Variants in NR3C2 observed in about 807,000 individuals in gnomAD.
NR3C2 encodes the protein nuclear receptor subfamily 3 group C member 2.
In NR3C2, 15 loss-of-function variants were observed where a neutral mutation model predicts 86.4. The ratio of observed to expected loss-of-function variants is 0.17; its 90% CI spans 0.12 to 0.27. The LOEUF (loss-of-function observed/expected upper bound fraction) is 0.27. Among genes scored for constraint, NR3C2 ranks in the 10% least tolerant of loss-of-function variants. NR3C2 has a pLI of 1.00. For synonymous variants in NR3C2, 458 were observed against 450.5 expected, an observed-to-expected ratio of 1.02 and a Z score of -0.21; for missense variants, 960 against 1,195.6, an observed-to-expected ratio of 0.80 and a Z score of 2.91.
chr4:148,230,378 G>C (rs1053263869), intron 3 of NR3C2, among the ~76,000 whole-genome samples: 1 of 152,044 alleles, frequency 6.6e-6, no homozygotes, highest in South Asian at 2.1e-4. Flanking sequence ...GTATTTTTTA[G>C]TAGAGACAGG....
In NR3C2 at chr4:148,097,546, C is replaced by G. The variant is rs550626246; in HGVS notation, c.2800-16047G>C. On this transcript the variant is annotated intron_variant, in intron 8 of 8. Coordinates refer to ENST00000358102, the MANE Select transcript of NR3C2 (RefSeq NM_000901.5). Reference sequence around the variant, plus strand: ...GGCCCACTTCCTACTTGCTAAAAGTCACATAGCATTAGATACTGACCATAC... The same window carrying G: ...GGCCCACTTCCTACTTGCTAAAAGTGACATAGCATTAGATACTGACCATAC... 3.3e-5 allele frequency among the ~76,000 whole-genome samples: 5 copies of G among 152,242 alleles called. No individual in the cohort carries two copies. The East Asian group carries it at 9.7e-4, about 29-fold the overall frequency.
chr4:148,175,709 G>A (rs1735343456), intron 4 of NR3C2, among the ~76,000 whole-genome samples: 8 of 151,688 alleles, frequency 5.3e-5, no homozygotes, highest in Admixed American at 4.6e-4. Context: ...TATATTTTAT[G>A]CCTTCCTATG....
chr4:148,415,217 C>G lies in NR3C2; in HGVS notation c.1757+19887G>C, dbSNP rs910791881. Among the ~76,000 whole-genome samples the G allele has an allele frequency of 2.0e-5, 3 of 152,194 alleles. No individual in the cohort carries two copies. The South Asian group carries it at 6.2e-4, about 32-fold the overall frequency. On this transcript the variant is annotated intron_variant, in intron 2 of 8. Transcript: ENST00000358102. The stretch of plus-strand genomic sequence containing the variant: ...AAGGATTGTCGATCTAACCTAAGAA[C>G]CTGAAAGAACCATTCTTACAGGATC...
chr4:148,397,735 A>G (rs1747934306), intron 2 of NR3C2, among the ~76,000 whole-genome samples: 1 of 152,246 alleles, frequency 6.6e-6, no homozygotes, highest in Non-Finnish European at 1.5e-5. Flanking sequence ...TGAGCAGCTC[A>G]TCATACATAC....
chr4:148,294,719 A>G (rs1379736322), intron 2 of NR3C2, among the ~76,000 whole-genome samples: 1 of 151,902 alleles, frequency 6.6e-6, no homozygotes, highest in African/African-American at 2.4e-5. Flanking sequence ...GCTCACACCT[A>G]CAATCCTAGA....
At chr4:148,148,810 C>T (rs1030856513) in intron 6 of NR3C2, among the ~76,000 whole-genome samples, 1 of 152,212 alleles carries the variant, frequency 6.6e-6, no homozygotes, top group Non-Finnish European at 1.5e-5. Context: ...GTATTTCTGT[C>T]TCTCTCATTA....
At chr4:148,398,811 C>T (rs1441822199) in intron 2 of NR3C2, among the ~76,000 whole-genome samples, 1 of 152,068 alleles carries the variant, frequency 6.6e-6, no homozygotes, top group Non-Finnish European at 1.5e-5. Flanking sequence ...TTGTAATGCA[C>T]TAAAAAAGAA....
At chr4:148,395,708 G>A (rs1747825487) in intron 2 of NR3C2, among the ~76,000 whole-genome samples, 1 of 152,178 alleles carries the variant, frequency 6.6e-6, no homozygotes, top group Non-Finnish European at 1.5e-5. Flanking sequence ...GGTATGTTAT[G>A]TTATGTTGAG....
chr4:148,347,638 A>G (rs7698965), intron 2 of NR3C2, among the ~76,000 whole-genome samples: 2,773 of 152,236 alleles, frequency 0.018, 78 homozygotes, highest in African/African-American at 0.063. Flanking sequence ...CTGTTTCCCT[A>G]CTAACTTTCC....
chr4:148,134,643 C>CTT (rs1175816621), intron 6 of NR3C2, among the ~76,000 whole-genome samples: 77 of 40,736 alleles, frequency 1.9e-3, no homozygotes, highest in Non-Finnish European at 2.8e-3. Context: ...CTCTCTCTCT[C>CTT]TTTTTTTTTT....
chr4:148,314,950 C>G (rs994099663), intron 2 of NR3C2, among the ~76,000 whole-genome samples: 1 of 152,058 alleles, frequency 6.6e-6, no homozygotes, highest in Non-Finnish European at 1.5e-5. Context: ...ACATGTTCTA[C>G]GAACATTATA....
chr4:148,165,683 C>T (rs1156949769), intron 4 of NR3C2, among the ~76,000 whole-genome samples: 1 of 152,110 alleles, frequency 6.6e-6, no homozygotes, highest in Non-Finnish European at 1.5e-5. Context: ...CCATTAAAAA[C>T]TATTAAAATT....
intron 3 of NR3C2, among the ~76,000 whole-genome samples, chr4:148,250,513 A>G (rs1436872967): frequency 6.6e-6 from 1 of 152,126 alleles, no homozygotes; most frequent in Non-Finnish European, 1.5e-5. Context: ...CAGGCTTTTA[A>G]TTTCATTACG....
At chr4:148,375,231 G>A (rs1008804767) in intron 2 of NR3C2, among the ~76,000 whole-genome samples, 3 of 152,142 alleles carry the variant, frequency 2.0e-5, no homozygotes, top group East Asian at 1.9e-4. Flanking sequence ...CGAGGTTGGC[G>A]TATCACTTGA....
At chr4:148,380,084 A>G (rs967707078) in intron 2 of NR3C2, among the ~76,000 whole-genome samples, 3 of 152,228 alleles carry the variant, frequency 2.0e-5, no homozygotes, top group Non-Finnish European at 2.9e-5. Flanking sequence ...TTTTATTGAG[A>G]TATAATTCAG....
chr4:148,443,363 T>C (rs558181479), upstream of NR3C2, among the ~76,000 whole-genome samples: 12 of 151,210 alleles, frequency 7.9e-5, no homozygotes, highest in Non-Finnish European at 1.3e-4. Context: ...ATTTTTCCAC[T>C]AGTTCAATTT....
chr4:148,358,966 ACG>A (rs199713798), intron 2 of NR3C2, among the ~76,000 whole-genome samples: 7 of 13,612 alleles, frequency 5.1e-4, no homozygotes, highest in South Asian at 0.01. Flanking sequence ...ATTTACACAC[ACG>A]CACACACACA....
chr4:148,081,349 T>G lies in NR3C2; in HGVS notation c.2950A>C (p.Lys984Gln). The G allele has an allele frequency of 6.2e-7, 1 of 1,614,180 alleles. No individual in the cohort carries two copies. Among genetic ancestry groups the G allele is most frequent in the Non-Finnish European group, 8.5e-7 (1 of 1,180,024 alleles). Residue 984 changes from lysine to glutamine, a missense_variant, in exon 9 of 9, where the codon AAG becomes CAG. By Grantham distance (53) the Lys-to-Gln change is moderately conservative. This residue lies in a region of NR3C2 where 151 missense variants were observed against 296.3 expected (regional missense o/e 0.51). Coordinates refer to ENST00000358102, the MANE Select transcript of NR3C2 (RefSeq NM_000901.5). Reference sequence around the variant, plus strand: ...TTCTTCTGGGCAGCGGGCAGTCACTTCCGGTGGAAGTAGAGCGGCTTGGCG... The same window carrying G: ...TTCTTCTGGGCAGCGGGCAGTCACTGCCGGTGGAAGTAGAGCGGCTTGGCG... ...GNAKPLYFHR[K>Q]
chr4:148,364,656 CTTTGT>C (rs1036385806), intron 2 of NR3C2, among the ~76,000 whole-genome samples: 22 of 152,154 alleles, frequency 1.4e-4, no homozygotes, highest in African/African-American at 4.3e-4. Context: ...AAGCTATTTC[CTTTGT>C]TTTATCTTTA....
Sources: gnomAD v4.1 joint callset for allele counts (sites outside exome capture counted in the v4.1 genomes callset) on GRCh38, gnomAD v4.1.1 for gene constraint, gnomAD v4.1.1 regional missense constraint, MANE v1.5 for transcripts, NCBI Gene and HGNC (gene_info 2026-07-23, HGNC 2026-07-21) for gene names.